Variants in MAGT1 observed in about 807,000 individuals in gnomAD.
The protein encoded by MAGT1 is dolichyl-diphosphooligosaccharide--protein glycosyltransferase subunit MAGT1.
MAGT1 carries 4 observed loss-of-function variants against 28.4 expected under a neutral mutation model. The ratio of observed to expected loss-of-function variants is 0.14; its 90% CI spans 0.07 to 0.32. The LOEUF is 0.32. MAGT1 is among the 10% of genes least tolerant of loss of function. The pLI is 1.00. For missense variants in MAGT1, 193 were observed against 264.5 expected, an observed-to-expected ratio of 0.73 and a Z score of 1.88; for synonymous variants, 89 against 89.7, an observed-to-expected ratio of 0.99 and a Z score of 0.04.
intron 7 of MAGT1, among the ~76,000 whole-genome samples, chrX:77,844,029 C>T (rs1012018402): frequency 9.0e-6 from 1 of 111,642 alleles, no homozygotes; most frequent in African/African-American, 3.3e-5. Context: ...ATGGTACCAG[C>T]TCCTCCTTGT....
At chrX:77,850,106 G>C (rs2076963133) in intron 7 of MAGT1, among the ~76,000 whole-genome samples, 1 of 110,757 alleles carries the variant, frequency 9.0e-6, no homozygotes, top group Admixed American at 9.7e-5. Context: ...CTTAGAGGTG[G>C]CCTCAGTCTA....
chrX:77,849,880 CAAAAAA>C (rs1165625711), intron 7 of MAGT1, among the ~76,000 whole-genome samples: 1 of 38,984 alleles, frequency 2.6e-5, no homozygotes, highest in Admixed American at 2.9e-4. Flanking sequence ...ATCTCAAAAA[CAAAAAA>C]CAAAAAACCA....
At position 77,829,134 on chromosome X, in the gene MAGT1, A is replaced by G. The variant is rs2076891065; in HGVS notation, c.*86T>C. On this transcript the variant is annotated 3_prime_UTR_variant, in exon 10 of 10. Coordinates refer to ENST00000618282, the MANE Select transcript of MAGT1 (RefSeq NM_001367916.1). The stretch of plus-strand genomic sequence containing the variant: ...GAAAAAAAGAGGTAATACAAAATAT[A>G]CAAGTTGCATTCTTCTTTTCAAACA... 1 of 791,863 alleles carries G rather than the reference A, an allele frequency of 1.3e-6. No homozygotes were observed. Among genetic ancestry groups the G allele is most frequent in the Non-Finnish European group, 1.9e-6 (1 of 517,882 alleles). The allele number at this position is 791,863 out of a possible 1,213,427, so 65.3% of individuals were successfully genotyped here.
chrX:77,845,414 T>G (rs191921256), intron 7 of MAGT1, among the ~76,000 whole-genome samples: 290 of 111,866 alleles, frequency 2.6e-3, no homozygotes, highest in Non-Finnish European at 4.3e-3. Flanking sequence ...TCTGTGTCTT[T>G]TAATTGGAGC....
At chrX:77,887,616 A>T (rs1369334497) in intron 1 of MAGT1, among the ~76,000 whole-genome samples, 1 of 111,658 alleles carries the variant, frequency 9.0e-6, no homozygotes, top group Non-Finnish European at 1.9e-5. Flanking sequence ...CCAAAGTCAC[A>T]ACCTTCAAAT....
intron 7 of MAGT1, among the ~76,000 whole-genome samples, chrX:77,841,687 T>A (rs2076935133): frequency 9.3e-6 from 1 of 107,559 alleles, no homozygotes; most frequent in African/African-American, 3.4e-5. Flanking sequence ...GGCTTTTTTT[T>A]TTTTTTGAGA....
At chrX:77,888,932 T>C (rs1469102645) in intron 1 of MAGT1, among the ~76,000 whole-genome samples, 2 of 110,310 alleles carry the variant, frequency 1.8e-5, no homozygotes, top group East Asian at 5.6e-4. Context: ...AACCATCCAA[T>C]TATACTTTTA....
At chrX:77,895,255 T>C (rs2077095085) in intron 1 of MAGT1, 54 bp downstream of exon 1, 1 of 1,176,050 alleles carries the variant, frequency 8.5e-7, no homozygotes, top group African/African-American at 1.7e-5. Context: ...GAACAGACCC[T>C]CTTAAGCCCC....
intron 8 of MAGT1, among the ~76,000 whole-genome samples, chrX:77,840,358 C>G (rs1557214294): frequency 9.3e-6 from 1 of 108,034 alleles, no homozygotes; most frequent in Non-Finnish European, 1.9e-5. Context: ...ATCACTTGAA[C>G]CTGGGAGGCA....
intron 8 of MAGT1, among the ~76,000 whole-genome samples, chrX:77,840,703 G>C (rs2076932500): frequency 9.0e-6 from 1 of 110,896 alleles, no homozygotes; most frequent in Admixed American, 9.8e-5. Flanking sequence ...TATAAGCTGG[G>C]CATGGTGGCA....
Position 77,873,881 on chromosome X carries a change from G to A in MAGT1, c.272+1547C>T, listed in dbSNP as rs573943005. 6.3e-5 allele frequency among the ~76,000 whole-genome samples: 7 copies of A among 110,873 alleles called. No homozygotes were observed. The East Asian group carries it at 2.0e-3, about 31-fold the overall frequency. On this transcript the variant is annotated intron_variant, in intron 2 of 9. Transcript: ENST00000618282. ...ACCCCCCTCATCTAACTAAAACTTT[G>A]TACACTTTCACCACATCCTCTCCTA...
intron 8 of MAGT1, among the ~76,000 whole-genome samples, chrX:77,839,844 T>C (rs1345670628): frequency 7.3e-5 from 8 of 109,186 alleles, no homozygotes; most frequent in Non-Finnish European, 1.1e-4. Flanking sequence ...GGTTTCATCA[T>C]GTTCATCAGG....
chrX:77,857,878 T>C (rs1309225478), intron 3 of MAGT1, among the ~76,000 whole-genome samples: 1 of 111,889 alleles, frequency 8.9e-6, no homozygotes, highest in African/African-American at 3.2e-5. Flanking sequence ...ATTCTCAATT[T>C]GGAGGAACCA....
At chrX:77,878,309 A>AAAAG (rs2077041670) in intron 1 of MAGT1, among the ~76,000 whole-genome samples, 1 of 100,255 alleles carries the variant, frequency 1.0e-5, no homozygotes, top group Admixed American at 1.1e-4. Flanking sequence ...AAAAAAAAAA[A>AAAAG]AAAGAAAAAA....
Position 77,882,974 on chromosome X carries a change from A to AATATATATTTATATATATAATTT in MAGT1, c.103-7400_103-7378dup, listed in dbSNP as rs1231333535. On this transcript the variant is annotated intron_variant, in intron 1 of 9. Transcript: ENST00000618282. ...ACAGAGCAATACCCTGTCTCTAATA[A>AATATATATTTATATATATAATTT]ATATATATTTATATATATAATTTAT... Among the ~76,000 whole-genome samples, 105 of 101,069 alleles carry AATATATATTTATATATATAATTT rather than the reference A, an allele frequency of 1.0e-3. 1 individual carries two copies. The highest frequency in any genetic ancestry group is 3.6e-3 in the African/African-American group (100 of 27,988). 87.8% of individuals were successfully genotyped at this position (101,069 alleles called of 115,157 possible). A position where few individuals can be genotyped will look rare whatever the true frequency, so the allele number is the denominator to read the frequency against.
chrX:77,886,430 C>A (rs781896273), intron 1 of MAGT1, among the ~76,000 whole-genome samples: 1 of 109,638 alleles, frequency 9.1e-6, no homozygotes, highest in Non-Finnish European at 1.9e-5. Flanking sequence ...AGTTCAAGAC[C>A]GGCCTGGGCA....
chrX:77,831,637 G>A (rs1374297917), intron 8 of MAGT1, among the ~76,000 whole-genome samples: 1 of 106,539 alleles, frequency 9.4e-6, no homozygotes, highest in African/African-American at 3.5e-5. Context: ...CTGTTGCCCA[G>A]GCTGAAGTGC....
chrX:77,876,461 A>G (rs2077035293), intron 1 of MAGT1, among the ~76,000 whole-genome samples: 1 of 110,238 alleles, frequency 9.1e-6, no homozygotes, highest in Non-Finnish European at 1.9e-5. Flanking sequence ...TAAAGAGTAA[A>G]GTGGGAGGAA....
chrX:77,878,119 TA>T (rs572722962), intron 1 of MAGT1, among the ~76,000 whole-genome samples: 9,612 of 94,939 alleles, frequency 0.1, 625 homozygotes, highest in African/African-American at 0.23. Context: ...ACATCTCTAC[TA>T]AAAAAAAAAA....
Sources: allele counts gnomAD v4.1 joint callset (sites outside exome capture counted in the v4.1 genomes callset), GRCh38; gene constraint gnomAD v4.1.1; transcripts MANE v1.5; gene names NCBI Gene and HGNC (gene_info 2026-07-23, HGNC 2026-07-21).